NKAIN2: variants seen among roughly 807,000 people sequenced by gnomAD.
NKAIN2 encodes the protein sodium/potassium transporting ATPase interacting 2.
In NKAIN2, 14 loss-of-function variants were observed where a neutral mutation model predicts 32.6. That is an observed-to-expected ratio of 0.43 (90% CI 0.28 to 0.67). NKAIN2 has a LOEUF of 0.67. NKAIN2 is among the 30% of genes least tolerant of loss of function. The probability of loss-of-function intolerance (pLI) is 0.17; values close to 1 mark genes in which losing one functional copy is unlikely to be tolerated. For synonymous variants in NKAIN2, 80 were observed against 87.2 expected (o/e 0.92, Z 0.46); for missense variants, 198 against 258.3 (o/e 0.77, Z 1.60).
intron 3 of NKAIN2, among the ~76,000 whole-genome samples, chr6:124,384,682 A>G (rs1259691402): frequency 6.6e-6 from 1 of 152,140 alleles, no homozygotes. Context: ...GTGCAGTGGC[A>G]TGATTATGGC....
At chr6:124,038,865 A>G (rs999404967) in intron 1 of NKAIN2, among the ~76,000 whole-genome samples, 2 of 152,100 alleles carry the variant, frequency 1.3e-5, no homozygotes, top group Non-Finnish European at 2.9e-5. Context: ...ACAGTTCAAT[A>G]TTTTATAAAT....
chr6:123,840,824 T>G (rs565015586), intron 1 of NKAIN2, among the ~76,000 whole-genome samples: 1 of 152,288 alleles, frequency 6.6e-6, no homozygotes, highest in South Asian at 2.1e-4. Context: ...ACACTTGATA[T>G]TTTTATAGTT....
chr6:124,035,048 G>C, intron 1 of NKAIN2, among the ~76,000 whole-genome samples: 1 of 151,900 alleles, frequency 6.6e-6, no homozygotes, highest in Non-Finnish European at 1.5e-5. Context: ...GTAACTACAA[G>C]TACAAGAAAA....
intron 3 of NKAIN2, among the ~76,000 whole-genome samples, chr6:124,412,510 C>G (rs1393571468): frequency 6.6e-6 from 1 of 152,150 alleles, no homozygotes; most frequent in African/African-American, 2.4e-5. Flanking sequence ...ACCGCAAATG[C>G]TGCTGCCTGA....
At chr6:123,897,974 A>C (rs1212907039) in intron 1 of NKAIN2, among the ~76,000 whole-genome samples, 1 of 152,220 alleles carries the variant, frequency 6.6e-6, no homozygotes, top group East Asian at 1.9e-4. Flanking sequence ...CATTCCTAAC[A>C]AACAAAATAT....
chr6:124,411,069 G>A (rs1394710591), intron 3 of NKAIN2, among the ~76,000 whole-genome samples: 6 of 151,832 alleles, frequency 4.0e-5, no homozygotes, highest in South Asian at 2.1e-4. Context: ...TTGAGCCTAT[G>A]TGTGTCTCTG....
intron 1 of NKAIN2, among the ~76,000 whole-genome samples, chr6:124,252,918 T>C (rs1053663672): frequency 3.9e-5 from 6 of 152,178 alleles, no homozygotes; most frequent in African/African-American, 1.4e-4. Flanking sequence ...GTGCCTGATA[T>C]AGAACGACAA....
chr6:124,213,128 TC>T (rs35860584), intron 1 of NKAIN2, among the ~76,000 whole-genome samples: 1 of 152,090 alleles, frequency 6.6e-6, no homozygotes, highest in African/African-American at 2.4e-5. Context: ...TGTTTAGTGA[TC>T]CCCCCAGCTG....
intron 3 of NKAIN2, among the ~76,000 whole-genome samples, chr6:124,598,926 G>A (rs1331303675): frequency 2.6e-5 from 4 of 151,458 alleles, no homozygotes; most frequent in Non-Finnish European, 4.4e-5. Context: ...CTCATCTTTT[G>A]TTCAGAAAGA....
At chr6:124,327,534 G>T (rs1004390382) in intron 2 of NKAIN2, among the ~76,000 whole-genome samples, 2 of 152,100 alleles carry the variant, frequency 1.3e-5, no homozygotes, top group Non-Finnish European at 1.5e-5. Flanking sequence ...GTGAAGAGAA[G>T]AGGTGATAGC....
intron 3 of NKAIN2, among the ~76,000 whole-genome samples, chr6:124,398,520 T>C (rs888742790): frequency 6.6e-6 from 1 of 152,032 alleles, no homozygotes; most frequent in African/African-American, 2.4e-5. Flanking sequence ...GAGATCCAAA[T>C]TGCAAGCTCA....
chr6:124,309,561 C>T (rs1364368542), intron 2 of NKAIN2, among the ~76,000 whole-genome samples: 2 of 152,052 alleles, frequency 1.3e-5, no homozygotes, highest in Non-Finnish European at 2.9e-5. Context: ...CTTAATTTAG[C>T]ATATTATTTA....
At chr6:124,111,763 T>C (rs572945090) in intron 1 of NKAIN2, among the ~76,000 whole-genome samples, 2 of 152,130 alleles carry the variant, frequency 1.3e-5, no homozygotes, top group East Asian at 1.9e-4. Context: ...TTGTTTTCCA[T>C]TGGGTTTTGT....
intron 4 of NKAIN2, among the ~76,000 whole-genome samples, chr6:124,753,130 T>G (rs1777802306): frequency 6.6e-6 from 1 of 152,162 alleles, no homozygotes; most frequent in Non-Finnish European, 1.5e-5. Flanking sequence ...GCCAGATATC[T>G]CCTTAGAGAT....
intron 1 of NKAIN2, among the ~76,000 whole-genome samples, chr6:124,282,755 G>A (rs1795360288): frequency 1.3e-5 from 2 of 152,146 alleles, no homozygotes; most frequent in Non-Finnish European, 2.9e-5. Context: ...ATGACATCTT[G>A]TGAATACTGC....
chr6:123,905,672 A>G (rs1582752273), intron 1 of NKAIN2, among the ~76,000 whole-genome samples: 1 of 152,122 alleles, frequency 6.6e-6, no homozygotes, highest in South Asian at 2.1e-4. Flanking sequence ...CGAAAAGCCT[A>G]TTGATGAGCT....
At chr6:123,938,439 TATATATATATATAC>T (rs1381599948) in intron 1 of NKAIN2, among the ~76,000 whole-genome samples, 84 of 37,438 alleles carry the variant, frequency 2.2e-3, no homozygotes, top group Non-Finnish European at 2.6e-3. Context: ...TATATATATA[TATATATATATATAC>T]ACACACACAC....
chr6:124,446,675 C>G (rs761648787), intron 3 of NKAIN2, among the ~76,000 whole-genome samples: 1 of 151,996 alleles, frequency 6.6e-6, no homozygotes, highest in Admixed American at 6.6e-5. Flanking sequence ...TTATATAAAA[C>G]ATCAGATGAT....
intron 1 of NKAIN2, among the ~76,000 whole-genome samples, chr6:124,049,535 T>A (rs1265164214): frequency 6.6e-6 from 1 of 152,094 alleles, no homozygotes; most frequent in Non-Finnish European, 1.5e-5. Flanking sequence ...AGCAGTCCCC[T>A]GTTATGTGCA....
Sources: allele counts gnomAD v4.1 joint callset (sites outside exome capture counted in the v4.1 genomes callset), GRCh38; gene constraint gnomAD v4.1.1; transcripts MANE v1.5; gene names NCBI Gene and HGNC (gene_info 2026-07-23, HGNC 2026-07-21).